Variants in ADAMTS2 observed in about 807,000 individuals in gnomAD.
The protein encoded by ADAMTS2 is A disintegrin and metalloproteinase with thrombospondin motifs 2.
Under a neutral mutation model 123.0 loss-of-function variants are expected in ADAMTS2, and 50 were observed. The ratio of observed to expected loss-of-function variants is 0.41; its 90% CI spans 0.32 to 0.51. ADAMTS2 has a LOEUF of 0.51. Ranked by LOEUF, ADAMTS2 falls within the 20% of genes least tolerant of loss-of-function variation. ADAMTS2 has a pLI of 0.35. For missense variants in ADAMTS2, 1,494 were observed against 1,705.2 expected (o/e 0.88, Z 2.18); for synonymous variants, 678 against 695.4 (o/e 0.98, Z 0.39).
At chr5:179,139,768 C>T (rs1324082988) in intron 11 of ADAMTS2, 122 bp downstream of exon 11, 2 of 1,467,844 alleles carry the variant, frequency 1.4e-6, no homozygotes, top group Non-Finnish European at 1.9e-6. Flanking sequence ...GGCAGCCTGC[C>T]CTGCACCTCT....
intron 21 of ADAMTS2, chr5:179,121,236 A>AT: frequency 6.5e-6 from 1 of 154,612 alleles, no homozygotes; most frequent in East Asian, 1.9e-4. Context: ...CACGCTCAGC[A>AT]AAGGGTCGGC....
chr5:179,281,893 G>A (rs1487820212), intron 2 of ADAMTS2, among the ~76,000 whole-genome samples: 1 of 152,144 alleles, frequency 6.6e-6, no homozygotes, highest in Non-Finnish European at 1.5e-5. Context: ...GCATTTCCCT[G>A]ACAACTAATG....
chr5:179,253,020 T>C (rs369663313), intron 3 of ADAMTS2, among the ~76,000 whole-genome samples: 6 of 152,234 alleles, frequency 3.9e-5, no homozygotes, highest in Admixed American at 2.6e-4. Context: ...CCCAGCAGCG[T>C]CTCCTGTCTT....
intron 5 of ADAMTS2, among the ~76,000 whole-genome samples, chr5:179,167,430 A>G (rs1397015588): frequency 6.6e-6 from 1 of 152,162 alleles, no homozygotes; most frequent in African/African-American, 2.4e-5. Flanking sequence ...ACCTGAGCAA[A>G]AAGTTCTGTT....
Position 179,256,938 on chromosome 5 carries a change from C to T in ADAMTS2, c.688+15973G>A, listed in dbSNP as rs962740175. On this transcript the variant is annotated intron_variant, in intron 3 of 21. Coordinates refer to ENST00000251582, the MANE Select transcript of ADAMTS2 (RefSeq NM_014244.5). This position sits in a 1 kb window ranked among gnomAD's most constrained non-coding sequence, Gnocchi z 4.1. ...TCCAGCACCCCGATGTACATACAGA[C>T]GAGAAGACTGAGGTCAGGCCAGAGC... Among the ~76,000 whole-genome samples, 2 of 152,270 alleles carry T rather than the reference C, an allele frequency of 1.3e-5. No individual in the cohort carries two copies. Among genetic ancestry groups the T allele is most frequent in the Non-Finnish European group, 2.9e-5 (2 of 68,046 alleles).
chr5:179,202,105 G>C lies in ADAMTS2; in HGVS notation c.891+5408C>G, dbSNP rs1369733970. Among the ~76,000 whole-genome samples, 1 of 152,096 alleles carries C rather than the reference G, an allele frequency of 6.6e-6. No individual in the cohort carries two copies. On this transcript the variant is annotated intron_variant, in intron 4 of 21. Coordinates refer to ENST00000251582, the MANE Select transcript of ADAMTS2 (RefSeq NM_014244.5). This position sits in a 1 kb window ranked among gnomAD's most constrained non-coding sequence, Gnocchi z 4.0. ...TTGTCTTTAACATAGACAGGAAGCA[G>C]CCCCTCCAGTGATTTCCACTGCTCC...
chr5:179,282,084 T>C (rs943372380), intron 2 of ADAMTS2, among the ~76,000 whole-genome samples: 2 of 152,362 alleles, frequency 1.3e-5, no homozygotes, highest in Admixed American at 1.3e-4. Flanking sequence ...TTTCTCTTGT[T>C]CTGTGGGCTG....
intron 3 of ADAMTS2, among the ~76,000 whole-genome samples, chr5:179,266,119 C>A (rs561632868): frequency 6.6e-6 from 1 of 152,312 alleles, no homozygotes; most frequent in East Asian, 1.9e-4. Context: ...GCACAAGACG[C>A]TGGCCAGGTC....
Position 179,345,261 on chromosome 5 carries a change from A to AGCG in ADAMTS2, c.67_68insCGC (p.Leu22_Leu23insPro). 1 of 939,940 alleles carries AGCG rather than the reference A, an allele frequency of 1.1e-6. No homozygotes were observed. Among genetic ancestry groups the AGCG allele is most frequent in the East Asian group, 5.7e-5 (1 of 17,538 alleles). The allele number at this position is 939,940 out of a possible 1,614,324, so 58.2% of individuals were successfully genotyped here. On this transcript the variant is annotated inframe_insertion, in exon 1 of 22. Transcript: ENST00000251582. The surrounding 1 kb of genome is among the most constrained non-coding windows in gnomAD (Gnocchi z 7.5). The stretch of plus-strand genomic sequence containing the variant: ...CGGCGGCGGCAGGAGCGGCGGCGGC[A>AGCG]GCAGCAGCAGCAGCAGCAGCAGCGC...
rs751871770 is a variant in ADAMTS2 at position 179,154,939 on chromosome 5, G to A, written c.1133-20C>T. The stretch of plus-strand genomic sequence containing the variant: ...CATAGCCTGGGAGGAGACAAGAGGC[G>A]GCTCCAGATGCTGCCATAGCCTGGC... On this transcript the variant is annotated intron_variant, in intron 6 of 21. Transcript: ENST00000251582. 29 of 1,603,310 alleles carry A rather than the reference G, an allele frequency of 1.8e-5. No individual in the cohort carries two copies. The Middle Eastern group carries it at 1.2e-3, about 67-fold the overall frequency.
chr5:179,192,117 G>A (rs939882228), intron 4 of ADAMTS2, among the ~76,000 whole-genome samples: 2 of 152,218 alleles, frequency 1.3e-5, no homozygotes, highest in Non-Finnish European at 2.9e-5. Context: ...TGAGGAAGAA[G>A]GGAGAGGCCC....
intron 4 of ADAMTS2, among the ~76,000 whole-genome samples, chr5:179,194,151 C>T (rs1341393805): frequency 6.6e-6 from 1 of 152,116 alleles, no homozygotes; most frequent in Admixed American, 6.5e-5. Context: ...TCCACATCAG[C>T]TATCAGGAGG....
At chr5:179,208,465 C>T (rs1764771831) in intron 3 of ADAMTS2, among the ~76,000 whole-genome samples, 2 of 152,330 alleles carry the variant, frequency 1.3e-5, no homozygotes, top group South Asian at 4.1e-4. Context: ...AGCTCCGCTG[C>T]AGTCGGCCCT....
chr5:179,295,519 G>A (rs1056655306), intron 2 of ADAMTS2, among the ~76,000 whole-genome samples: 12 of 152,154 alleles, frequency 7.9e-5, no homozygotes, highest in African/African-American at 2.4e-4. Context: ...TGACTGATCC[G>A]ACATGCCCTG....
At chr5:179,179,820 C>T (rs368793895) in intron 5 of ADAMTS2, among the ~76,000 whole-genome samples, 113 of 152,304 alleles carry the variant, frequency 7.4e-4, no homozygotes, top group South Asian at 5.2e-3. Context: ...ATTTTTACAT[C>T]GTGTGCCTTA....
In ADAMTS2 at chr5:179,307,204, C is replaced by T. The variant is rs2113569053; in HGVS notation, c.535-34140G>A. Among the ~76,000 whole-genome samples, 1 of 152,236 alleles carries T rather than the reference C, an allele frequency of 6.6e-6. No individual in the cohort carries two copies. Among genetic ancestry groups the T allele is most frequent in the South Asian group, 2.1e-4 (1 of 4,812 alleles). ...GCAGAGCTGCCCCGGCCCACGCGCC[C>T]CTGCCCTGCTGTGCTCCGCCATCTG... is the stretch of plus-strand genomic sequence containing the variant. On this transcript the variant is annotated intron_variant, in intron 2 of 21. Coordinates refer to ENST00000251582, the MANE Select transcript of ADAMTS2 (RefSeq NM_014244.5). The surrounding 1 kb of genome is among the most constrained non-coding windows in gnomAD (Gnocchi z 5.6).
Position 179,303,558 on chromosome 5 carries a change from C to T in ADAMTS2, c.535-30494G>A, listed in dbSNP as rs992180023. Among the ~76,000 whole-genome samples the T allele has an allele frequency of 1.4e-4, 21 of 152,212 alleles. No individual in the cohort carries two copies. The highest frequency in any genetic ancestry group is 5.1e-4 in the African/African-American group (21 of 41,428). ...GCACTGGGTACAGACAGACAGAGCTCGAGACAAGCCCTGTTGTTGTAGCTC... is the reference window on the plus strand; with the variant it reads ...GCACTGGGTACAGACAGACAGAGCTTGAGACAAGCCCTGTTGTTGTAGCTC... On this transcript the variant is annotated intron_variant, in intron 2 of 21. Transcript: ENST00000251582. This position sits in a 1 kb window ranked among gnomAD's most constrained non-coding sequence, Gnocchi z 4.7.
At chr5:179,245,293 G>A (rs1765758445) in intron 3 of ADAMTS2, among the ~76,000 whole-genome samples, 1 of 152,170 alleles carries the variant, frequency 6.6e-6, no homozygotes. Context: ...CCCCGGAGGA[G>A]GACCCAGAAG....
chr5:179,136,125 A>G, intron 12 of ADAMTS2, 83 bp from the exon 13 acceptor site: 1 of 1,608,156 alleles, frequency 6.2e-7, no homozygotes, highest in Non-Finnish European at 8.5e-7. Context: ...AGCAGGAGAA[A>G]TTTCCACAAG....
Sources: gnomAD v4.1 joint callset for allele counts (sites outside exome capture counted in the v4.1 genomes callset) on GRCh38, gnomAD v4.1.1 for gene constraint, Gnocchi (gnomAD v3.1) non-coding constraint, MANE v1.5 for transcripts, NCBI Gene and HGNC (gene_info 2026-07-23, HGNC 2026-07-21) for gene names.